Variants in MBTPS1 observed in about 807,000 individuals in gnomAD.
The protein encoded by MBTPS1 is membrane bound transcription factor peptidase, site 1.
Under a neutral mutation model 127.8 loss-of-function variants are expected in MBTPS1, and 94 were observed. The observed-to-expected ratio is 0.74, with a 90% CI of 0.62 to 0.87. MBTPS1 has a LOEUF of 0.87. Among genes scored for constraint, MBTPS1 ranks in the 40% least tolerant of loss-of-function variants. MBTPS1 has a pLI of 0.00. For synonymous variants in MBTPS1, 632 were observed against 509.4 expected, an observed-to-expected ratio of 1.24 and a Z score of -3.24; for missense variants, 1,636 against 1,353.2, an observed-to-expected ratio of 1.21 and a Z score of -3.28.
intron 11 of MBTPS1, among the ~76,000 whole-genome samples, chr16:84,078,542 T>C (rs1409030385): frequency 6.6e-6 from 1 of 152,110 alleles, no homozygotes; most frequent in East Asian, 1.9e-4. Context: ...CTGAGCAGGG[T>C]AAATTTTTAG....
In MBTPS1 at chr16:84,081,753, T is replaced by C. The variant is rs753630913; in HGVS notation, c.1442A>G (p.Gln481Arg). The change falls in exon 11 of 23, where the codon CAG (glutamine) becomes CGG (arginine). Residue 481 changes from glutamine to arginine, a missense_variant. By Grantham distance (43) the Gln-to-Arg change is conservative. Transcript: ENST00000343411. ...GGCAGGGCGGTGCACTGACCTTGCC[T>C]GTGGCTTGTAGCTGTTGAGGATCTG... ...AYQILNSYKP[Q>R]ASLSPSYIDL... is the part of the protein sequence containing the mutation. 7.2e-7 allele frequency: 1 copy of C among 1,392,580 alleles called. No homozygotes were observed. 86.3% of individuals were successfully genotyped at this position (1,392,580 alleles called of 1,614,324 possible).
chr16:84,081,674 T>C (rs3826139), intron 11 of MBTPS1, 73 bp downstream of exon 11: 358,994 of 1,178,142 alleles, frequency 0.3, 56,485 homozygotes, highest in East Asian at 0.43. Flanking sequence ...AGGCTTGTAT[T>C]TTGTGCAGAG....
chr16:84,096,834 G>A (rs2086185346), intron 3 of MBTPS1, among the ~76,000 whole-genome samples: 1 of 152,178 alleles, frequency 6.6e-6, no homozygotes, highest in Non-Finnish European at 1.5e-5. Flanking sequence ...AATGCTGCAG[G>A]TGCTGACTGA....
rs150475259 is a variant in MBTPS1, at chr16:84,081,397, C to A, written c.1448+350G>T. The stretch of plus-strand genomic sequence containing the variant: ...CTCCACTCATCTGAAATGGTGGCAT[C>A]AGGGGAAACTGGGCAACCTTGTAGG... On this transcript the variant is annotated intron_variant, in intron 11 of 22. Coordinates refer to ENST00000343411, the MANE Select transcript of MBTPS1 (RefSeq NM_003791.4). The A allele has an allele frequency of 2.9e-3, 475 of 161,876 alleles. 3 individuals carry two copies. The highest frequency in any genetic ancestry group is 0.01 in the African/African-American group (436 of 41,980). 10.0% of individuals were successfully genotyped at this position (161,876 alleles called of 1,614,324 possible). A position where few individuals can be genotyped will look rare whatever the true frequency, so the allele number is the denominator to read the frequency against.
At position 84,101,648 on chromosome 16, in the gene MBTPS1, C is replaced by G. The variant is rs1405674321; in HGVS notation, c.136G>C (p.Glu46Gln). 6.2e-7 allele frequency: 1 copy of G among 1,613,914 alleles called. No homozygotes were observed. The highest frequency in any genetic ancestry group is 1.3e-5 in the African/African-American group (1 of 75,020). ...PGCSHLTLKV[E>Q]FSSTVVEYEY... ...TATTCCACAACTGTTGATGAGAATT[C>G]CACCTTCAAAGTCAGGTGGGAACAG... The change falls in exon 2 of 23, where the codon GAA becomes CAA. Residue 46 changes from glutamate (E) to glutamine (Q), a missense_variant. By Grantham distance (29) the Glu-to-Gln change is conservative (BLOSUM62 2). Coordinates refer to ENST00000343411, the MANE Select transcript of MBTPS1 (RefSeq NM_003791.4).
chr16:84,100,095 T>C (rs1214855817), intron 2 of MBTPS1, among the ~76,000 whole-genome samples: 1 of 152,144 alleles, frequency 6.6e-6, no homozygotes, highest in East Asian at 1.9e-4. Context: ...CCTTCACCAA[T>C]TACAATGGCA....
In MBTPS1 at chr16:84,079,523, A is replaced by G. The variant is rs552158207; in HGVS notation, c.1448+2224T>C. 3.0e-4 allele frequency among the ~76,000 whole-genome samples: 46 copies of G among 152,362 alleles called. No individual in the cohort carries two copies. The South Asian group carries it at 9.5e-3, about 32-fold the overall frequency. On this transcript the variant is annotated intron_variant, in intron 11 of 22. Coordinates refer to ENST00000343411, the MANE Select transcript of MBTPS1 (RefSeq NM_003791.4). ...ACTGTATTCTGTAGGGCCAAAGATA[A>G]TGACGCACTGTCACAAATACTATAT...
At chr16:84,089,126 A>G (rs1036579920) in intron 8 of MBTPS1, among the ~76,000 whole-genome samples, 7 of 152,256 alleles carry the variant, frequency 4.6e-5, no homozygotes, top group Non-Finnish European at 1.0e-4. Flanking sequence ...GGATGGGCAG[A>G]GGGATGGGGT....
chr16:84,103,804 G>A (rs1362659450), intron 1 of MBTPS1, among the ~76,000 whole-genome samples: 1 of 152,166 alleles, frequency 6.6e-6, no homozygotes, highest in African/African-American at 2.4e-5. Context: ...AACTGATCCT[G>A]AAAAACAAGC....
chr16:84,093,413 G>A (rs2086137158), intron 5 of MBTPS1, 116 bp from the exon 6 acceptor site: 2 of 733,966 alleles, frequency 2.7e-6, no homozygotes, highest in Non-Finnish European at 4.7e-6. Flanking sequence ...GATAGAGGAG[G>A]GCCTCTGCTG....
chr16:84,067,694 T>G lies in MBTPS1; in HGVS notation c.2201A>C (p.Lys734Thr). Residue 734 changes from lysine to threonine, a missense_variant, in exon 16 of 23, where the codon AAA becomes ACA. Lys to Thr is a moderately conservative substitution (Grantham distance 78). Coordinates refer to ENST00000343411, the MANE Select transcript of MBTPS1 (RefSeq NM_003791.4). ...TGTGTTTTCATCATAAAACTTCACT[T>G]TTCTCATAACAGAAGTGTTGTACCA... The part of the protein sequence containing the change: ...SDWYNTSVMR[K>T]VKFYDENTRQ... The G allele has an allele frequency of 1.9e-6, 3 of 1,613,648 alleles. No homozygotes were observed. The highest frequency in any genetic ancestry group is 1.7e-5 in the Admixed American group (1 of 60,002).
rs370340023 is a variant in MBTPS1 at position 84,060,378 on chromosome 16, A to G, written c.2704+304T>C. 1.1e-3 allele frequency: 278 copies of G among 260,526 alleles called. 8 individuals carry two copies. In the South Asian group the frequency reaches 0.022, roughly 21 times the overall value. 16.1% of individuals were successfully genotyped at this position (260,526 alleles called of 1,614,324 possible). On this transcript the variant is annotated intron_variant, in intron 20 of 22. Transcript: ENST00000343411. The stretch of plus-strand genomic sequence containing the variant: ...TTGGTGATTCTTCCTGAAGATCTGT[A>G]GGAGCCACTGTCCTCACCTGTGAGA...
rs997970206 is a variant in MBTPS1 at position 84,074,652 on chromosome 16, A to G, written c.1538T>C (p.Val513Ala). The change falls in exon 12 of 23, where the codon GTT (valine) becomes GCT (alanine). Residue 513 changes from valine to alanine, a missense_variant. Coordinates refer to ENST00000343411, the MANE Select transcript of MBTPS1 (RefSeq NM_003791.4). ...GCCGTTGAGGATGGTGACATTAACA[A>G]CTGTCGGCATTCCTCCATAGTAGAT... ...QPIYYGGMPT[V>A]VNVTILNGMG... 56 of 1,614,062 alleles carry G rather than the reference A, an allele frequency of 3.5e-5. No homozygotes were observed. Among genetic ancestry groups the G allele is most frequent in the Non-Finnish European group, 4.3e-5 (51 of 1,180,010 alleles).
At chr16:84,110,823 C>T (rs1205724101) in intron 1 of MBTPS1, 1 of 152,190 alleles carries the variant, frequency 6.6e-6, no homozygotes, top group Non-Finnish European at 1.5e-5. Flanking sequence ...CCTAAAATCT[C>T]CCCTAGGGAT....
At chr16:84,087,043 G>A (rs1014206456) in intron 9 of MBTPS1, among the ~76,000 whole-genome samples, 2 of 152,022 alleles carry the variant, frequency 1.3e-5, no homozygotes, top group African/African-American at 4.8e-5. Flanking sequence ...TAGGGTAAAC[G>A]GGCAGGAACC....
rs201149007 is a variant in MBTPS1, at chr16:84,070,031, T to C, written c.1790A>G (p.Asn597Ser). ...TACTGTTGAAGTCTGTTCTGCACCA[T>C]TTTTTGACTAAAAAAAAAGAAAAGA... ...VASPAETESK[N>S]GAEQTSTVKL... Residue 597 changes from asparagine to serine, a missense_variant, in exon 14 of 23, where the codon AAT (asparagine) becomes AGT (serine). Physicochemically the swap from Asn to Ser is conservative, Grantham distance 46. Transcript: ENST00000343411. 2.6e-6 allele frequency: 4 copies of C among 1,552,998 alleles called. No homozygotes were observed. The highest frequency in any genetic ancestry group is 3.5e-6 in the Non-Finnish European group (4 of 1,156,890).
At chr16:84,060,899 T>G in intron 19 of MBTPS1, 86 bp from the exon 20 acceptor site, 1 of 1,332,386 alleles carries the variant, frequency 7.5e-7, no homozygotes, top group Non-Finnish European at 1.0e-6. Flanking sequence ...AGTGGCGCAA[T>G]CATAGCTCAC....
chr16:84,093,761 T>C lies in MBTPS1; in HGVS notation c.686A>G (p.Lys229Arg). The change falls in exon 5 of 23, where the codon AAA (lysine) becomes AGA (arginine). Residue 229 changes from lysine to arginine, a missense_variant. By Grantham distance (26) the Lys-to-Arg change is conservative. Transcript: ENST00000343411. ...TGLSEKHPHF[K>R]NVKERTNWTN... ...CCAGTTGGTTCTCTCCTTCACATTT[T>C]TGAAGTGGGGATGCTTCTCGCTCAG... 2.5e-6 allele frequency: 4 copies of C among 1,614,192 alleles called. No homozygotes were observed. The South Asian group carries it at 4.4e-5, about 18-fold the overall frequency.
chr16:84,096,044 G>A (rs1296091829), intron 3 of MBTPS1, among the ~76,000 whole-genome samples: 1 of 151,802 alleles, frequency 6.6e-6, no homozygotes, highest in African/African-American at 2.4e-5. Flanking sequence ...ACCAAGGTAA[G>A]GCAAAGAAAG....
Sources: gnomAD v4.1 joint callset for allele counts (sites outside exome capture counted in the v4.1 genomes callset) on GRCh38, gnomAD v4.1.1 for gene constraint, MANE v1.5 for transcripts, NCBI Gene and HGNC (gene_info 2026-07-23, HGNC 2026-07-21) for gene names.